The following CCBE1 variants were observed in gnomAD, a reference collection of about 807,000 sequenced individuals.
The protein encoded by CCBE1 is collagen and calcium binding EGF domains 1, also known as collagen and calcium-binding EGF domain-containing protein 1.
CCBE1 carries 37 observed loss-of-function variants against 50.0 expected under a neutral mutation model. The ratio of observed to expected loss-of-function variants is 0.74; its 90% CI spans 0.57 to 0.97. The LOEUF is 0.97. CCBE1 is among the 50% of genes least tolerant of loss of function. The pLI is 0.00. For missense variants in CCBE1, 538 were observed against 523.8 expected, an observed-to-expected ratio of 1.03 and a Z score of -0.26; for synonymous variants, 234 against 203.7, an observed-to-expected ratio of 1.15 and a Z score of -1.27.
At chr18:59,473,832 T>C (rs200056764) in intron 3 of CCBE1, among the ~76,000 whole-genome samples, 1 of 119,128 alleles carries the variant, frequency 8.4e-6, no homozygotes, top group Non-Finnish European at 1.8e-5. Context: ...ACTACTCACC[T>C]TCCAACCCTC....
intron 2 of CCBE1, among the ~76,000 whole-genome samples, chr18:59,544,784 T>G (rs1181035742): frequency 6.6e-6 from 1 of 152,216 alleles, no homozygotes; most frequent in Non-Finnish European, 1.5e-5. Context: ...CTGGGTCTCT[T>G]TTTCCATTAT....
In CCBE1 at chr18:59,450,530, G is replaced by A. The variant is rs190645826; in HGVS notation, c.655-2427C>T. Among the ~76,000 whole-genome samples the A allele has an allele frequency of 6.6e-5, 10 of 152,070 alleles. No individual in the cohort carries two copies. The East Asian group carries it at 1.9e-3, about 29-fold the overall frequency. ...CCATTAAACCAAGCGGCAACCTACA[G>A]TCACTTTTTAAATTTTGTTTTGAGA... On this transcript the variant is annotated intron_variant, in intron 6 of 10. Coordinates refer to ENST00000439986, the MANE Select transcript of CCBE1 (RefSeq NM_133459.4).
At chr18:59,526,534 C>G (rs1389744738) in intron 2 of CCBE1, among the ~76,000 whole-genome samples, 1 of 152,154 alleles carries the variant, frequency 6.6e-6, no homozygotes, top group African/African-American at 2.4e-5. Context: ...TGGTCTCGAA[C>G]TCCTGACCTC....
chr18:59,458,094 T>C (rs1001095785), intron 5 of CCBE1, among the ~76,000 whole-genome samples: 4 of 152,128 alleles, frequency 2.6e-5, no homozygotes, highest in Admixed American at 2.0e-4. Flanking sequence ...ATTTACAGAA[T>C]ACCATCATCA....
At chr18:59,576,724 A>T (rs1052673499) in intron 2 of CCBE1, among the ~76,000 whole-genome samples, 1 of 152,046 alleles carries the variant, frequency 6.6e-6, no homozygotes, top group East Asian at 1.9e-4. Context: ...ACTCCCTCCA[A>T]TGCTTCTGTC....
intron 2 of CCBE1, among the ~76,000 whole-genome samples, chr18:59,650,636 C>A (rs1192196146): frequency 6.6e-6 from 1 of 151,322 alleles, no homozygotes; most frequent in Non-Finnish European, 1.5e-5. Flanking sequence ...GAAAGCTCAC[C>A]ACGCATTCCA....
intron 2 of CCBE1, among the ~76,000 whole-genome samples, chr18:59,490,310 A>G (rs1051202880): frequency 3.3e-5 from 5 of 151,988 alleles, no homozygotes; most frequent in Non-Finnish European, 7.4e-5. Context: ...ACGTAACAAA[A>G]TAAAGGTTAG....
intron 3 of CCBE1, among the ~76,000 whole-genome samples, 195 bp downstream of exon 3, chr18:59,479,991 G>A (rs1409065921): frequency 1.3e-5 from 2 of 152,248 alleles, no homozygotes; most frequent in Non-Finnish European, 2.9e-5. Flanking sequence ...AGCACATCAT[G>A]TAATGATTCA....
chr18:59,684,285 C>T (rs1452009764), intron 2 of CCBE1, among the ~76,000 whole-genome samples: 4 of 152,108 alleles, frequency 2.6e-5, no homozygotes, highest in Admixed American at 1.3e-4. Flanking sequence ...CCTGTCTCTA[C>T]AAAAAATACA....
chr18:59,623,122 T>C (rs1451728653), intron 2 of CCBE1, among the ~76,000 whole-genome samples: 2 of 152,178 alleles, frequency 1.3e-5, no homozygotes, highest in Non-Finnish European at 2.9e-5. Context: ...TACCTATCCA[T>C]GTGGAGTCGA....
At chr18:59,627,433 A>G (rs2053799677) in intron 2 of CCBE1, among the ~76,000 whole-genome samples, 1 of 152,182 alleles carries the variant, frequency 6.6e-6, no homozygotes, top group Non-Finnish European at 1.5e-5. Context: ...ATCAGAGTGG[A>G]TAATACTGTG....
At chr18:59,675,300 A>AC (rs371781866) in intron 2 of CCBE1, among the ~76,000 whole-genome samples, 6 of 152,306 alleles carry the variant, frequency 3.9e-5, no homozygotes, top group African/African-American at 1.4e-4. Context: ...TGCATTGTGT[A>AC]CCAACCATGG....
At chr18:59,582,143 C>A (rs764791538) in intron 2 of CCBE1, among the ~76,000 whole-genome samples, 5 of 152,206 alleles carry the variant, frequency 3.3e-5, no homozygotes, top group Non-Finnish European at 5.9e-5. Context: ...GGAAAGCTCT[C>A]TTCCTTCGTC....
rs370423245 is a variant in CCBE1, at chr18:59,488,674, G to A, written c.213-8436C>T. ...GAGAATCCGGGCTCTGCTGCTTGCC[G>A]GCTTCAGTCCTTAGATAACTGACAT... On this transcript the variant is annotated intron_variant, in intron 2 of 10. Transcript: ENST00000439986. Among the ~76,000 whole-genome samples, 11 of 152,182 alleles carry A rather than the reference G, an allele frequency of 7.2e-5. No individual in the cohort carries two copies. In the East Asian group the frequency reaches 7.7e-4, roughly 11 times the overall value.
At chr18:59,472,992 A>G (rs1331863504) in intron 3 of CCBE1, among the ~76,000 whole-genome samples, 1 of 152,148 alleles carries the variant, frequency 6.6e-6, no homozygotes, top group African/African-American at 2.4e-5. Context: ...AACTGCCCCC[A>G]TGATTCAATT....
chr18:59,688,345 A>T (rs914219785), intron 2 of CCBE1: 1 of 152,202 alleles, frequency 6.6e-6, no homozygotes, highest in African/African-American at 2.4e-5. Flanking sequence ...ACTCAGGAGG[A>T]TGAAGCAGGA....
At chr18:59,598,558 C>T (rs191382234) in intron 2 of CCBE1, among the ~76,000 whole-genome samples, 10 of 152,194 alleles carry the variant, frequency 6.6e-5, no homozygotes, top group Non-Finnish European at 1.3e-4. Context: ...CAGGTGCAGG[C>T]TGGAAATGCT....
intron 2 of CCBE1, among the ~76,000 whole-genome samples, chr18:59,663,518 C>T (rs1470797639): frequency 6.6e-6 from 1 of 151,948 alleles, no homozygotes; most frequent in African/African-American, 2.4e-5. Flanking sequence ...TGAGGCTGGG[C>T]CTTGAGAGCA....
At chr18:59,581,533 C>G (rs763659549) in intron 2 of CCBE1, among the ~76,000 whole-genome samples, 1 of 152,044 alleles carries the variant, frequency 6.6e-6, no homozygotes, top group African/African-American at 2.4e-5. Flanking sequence ...TGGAAATACC[C>G]AGATCCACTG....
Sources: allele counts gnomAD v4.1 joint callset (sites outside exome capture counted in the v4.1 genomes callset), GRCh38; gene constraint gnomAD v4.1.1; transcripts MANE v1.5; gene names NCBI Gene and HGNC (gene_info 2026-07-23, HGNC 2026-07-21).